FAM135A: variants seen among roughly 807,000 people sequenced by gnomAD.
The protein encoded by FAM135A is protein FAM135A.
In FAM135A, 79 loss-of-function variants were observed where a neutral mutation model predicts 146.8. That is an observed-to-expected ratio of 0.54 (90% CI 0.45 to 0.65). FAM135A has a LOEUF of 0.65. Ranked by LOEUF, FAM135A falls within the 30% of genes least tolerant of loss-of-function variation. FAM135A has a pLI of 0.00. For synonymous variants in FAM135A, 562 were observed against 603.6 expected, an observed-to-expected ratio of 0.93 and a Z score of 1.01; for missense variants, 1,623 against 1,758.2, an observed-to-expected ratio of 0.92 and a Z score of 1.38.
At chr6:70,443,477 G>T (rs1562428449) in intron 4 of FAM135A, among the ~76,000 whole-genome samples, 2 of 152,242 alleles carry the variant, frequency 1.3e-5, no homozygotes, top group African/African-American at 2.4e-5. Flanking sequence ...TACGTGTGTA[G>T]TATAACCAGC....
chr6:70,421,835 G>A (rs926790156), intron 2 of FAM135A, among the ~76,000 whole-genome samples: 1 of 152,180 alleles, frequency 6.6e-6, no homozygotes, highest in Admixed American at 6.5e-5. Flanking sequence ...AAAGGCATAG[G>A]TTTAAAGTAA....
At chr6:70,552,084 A>G (rs1277231226) in intron 20 of FAM135A, among the ~76,000 whole-genome samples, 1 of 152,228 alleles carries the variant, frequency 6.6e-6, no homozygotes, top group African/African-American at 2.4e-5. Context: ...GTATACCTGT[A>G]TAAAACTGAT....
chr6:70,445,898 T>A (rs1308463101), intron 4 of FAM135A, among the ~76,000 whole-genome samples: 1 of 152,172 alleles, frequency 6.6e-6, no homozygotes, highest in Admixed American at 6.5e-5. Context: ...TGCAAAGCAA[T>A]AAAAGCAAAG....
chr6:70,459,856 C>A (rs753568441), intron 5 of FAM135A, among the ~76,000 whole-genome samples: 4 of 152,108 alleles, frequency 2.6e-5, no homozygotes, highest in African/African-American at 9.7e-5. Context: ...CGTGAAACCC[C>A]GTCTCTACGA....
At chr6:70,540,388 G>A (rs574509009) in intron 20 of FAM135A, among the ~76,000 whole-genome samples, 79 of 136,298 alleles carry the variant, frequency 5.8e-4, no homozygotes, top group African/African-American at 2.0e-3. Flanking sequence ...GCAGTGGCAC[G>A]ATCTCGGCTC....
chr6:70,469,472 C>A (rs1451905272), intron 5 of FAM135A, among the ~76,000 whole-genome samples: 1 of 152,200 alleles, frequency 6.6e-6, no homozygotes, highest in Non-Finnish European at 1.5e-5. Flanking sequence ...TCTTATCTGG[C>A]ATGAGAATTC....
intron 5 of FAM135A, among the ~76,000 whole-genome samples, chr6:70,469,396 A>T (rs1781120674): frequency 6.6e-6 from 1 of 152,214 alleles, no homozygotes; most frequent in African/African-American, 2.4e-5. Context: ...ATGTCAGTTG[A>T]GGATATAGGC....
chr6:70,537,855 G>A (rs1014765171), intron 19 of FAM135A, among the ~76,000 whole-genome samples: 1 of 152,164 alleles, frequency 6.6e-6, no homozygotes, highest in African/African-American at 2.4e-5. Context: ...ATTCTAAGAT[G>A]TGGTCTGTTT....
intron 20 of FAM135A, among the ~76,000 whole-genome samples, chr6:70,540,528 T>A (rs898013631): frequency 2.0e-5 from 3 of 152,042 alleles, no homozygotes; most frequent in African/African-American, 7.2e-5. Context: ...GGTTTCACCA[T>A]GTTAGCCAGG....
At chr6:70,476,774 T>C (rs1237056225) in intron 7 of FAM135A, among the ~76,000 whole-genome samples, 1 of 152,148 alleles carries the variant, frequency 6.6e-6, no homozygotes, top group Non-Finnish European at 1.5e-5. Context: ...AAAAGTAATT[T>C]GAAATATCCT....
chr6:70,428,325 T>C lies in FAM135A; in HGVS notation c.-18T>C. ...AAAGGTGCTGTTATCAGAATAGTCTTCTGGGTATAAATTAAAAATGACTGA... is the reference window on the plus strand; with the variant it reads ...AAAGGTGCTGTTATCAGAATAGTCTCCTGGGTATAAATTAAAAATGACTGA... On this transcript the variant is annotated 5_prime_UTR_variant, in exon 4 of 22. Coordinates refer to ENST00000418814, the MANE Select transcript of FAM135A (RefSeq NM_001162529.3). 1 of 1,581,906 alleles carries C rather than the reference T, an allele frequency of 6.3e-7. No individual in the cohort carries two copies.
intron 3 of FAM135A, among the ~76,000 whole-genome samples, chr6:70,426,947 A>G (rs1031477566): frequency 6.6e-6 from 1 of 152,192 alleles, no homozygotes; most frequent in Non-Finnish European, 1.5e-5. Context: ...AAGATTGTTC[A>G]TTATACAAAC....
At position 70,547,733 on chromosome 6, in the gene FAM135A, A is replaced by G. The variant is rs150374221; in HGVS notation, c.4229-9017A>G. On this transcript the variant is annotated intron_variant, in intron 20 of 21. Coordinates refer to ENST00000418814, the MANE Select transcript of FAM135A (RefSeq NM_001162529.3). ...AGAAGAATTGGAAAGACTTTAGACTATGAAGATGAAAGTTTCAATTAAGGT... is the reference window on the plus strand; with the variant it reads ...AGAAGAATTGGAAAGACTTTAGACTGTGAAGATGAAAGTTTCAATTAAGGT... Among the ~76,000 whole-genome samples the G allele has an allele frequency of 5.6e-3, 856 of 152,344 alleles. 2 individuals are homozygous for G. Among genetic ancestry groups the G allele is most frequent in the Non-Finnish European group, 8.2e-3 (556 of 68,020 alleles).
Position 70,475,320 on chromosome 6 carries a change from TC to T in FAM135A, c.158-89del, listed in dbSNP as rs2128155378. Reference sequence around the variant, plus strand: ...TGATAATGACACTATAGTAATATAATCAAACATACAGTATTTTAAAGTACAA... The same window carrying T: ...TGATAATGACACTATAGTAATATAATAAACATACAGTATTTTAAAGTACAA... On this transcript the variant is annotated intron_variant, in intron 5 of 21. Transcript: ENST00000418814. The T allele has an allele frequency of 6.5e-6, 7 of 1,070,886 alleles. No individual in the cohort carries two copies. In the South Asian group the frequency reaches 1.1e-4, roughly 17 times the overall value. 66.3% of individuals were successfully genotyped at this position (1,070,886 alleles called of 1,614,324 possible).
chr6:70,418,975 A>G (rs1185142258), intron 2 of FAM135A, among the ~76,000 whole-genome samples: 3 of 152,228 alleles, frequency 2.0e-5, no homozygotes, highest in African/African-American at 7.2e-5. Context: ...GTTCTGTGCT[A>G]TAGGTGACTG....
At chr6:70,442,393 A>G (rs1046961023) in intron 4 of FAM135A, among the ~76,000 whole-genome samples, 3 of 151,920 alleles carry the variant, frequency 2.0e-5, no homozygotes, top group African/African-American at 7.3e-5. Context: ...AGGGATTGAC[A>G]TTTTCTTTGT....
At chr6:70,471,669 C>A (rs566279950) in intron 5 of FAM135A, among the ~76,000 whole-genome samples, 1 of 152,094 alleles carries the variant, frequency 6.6e-6, no homozygotes, top group East Asian at 1.9e-4. Context: ...CCACCATGCA[C>A]ACATTTGCCA....
chr6:70,528,749 A>T (rs553197428), intron 16 of FAM135A, among the ~76,000 whole-genome samples: 1 of 151,826 alleles, frequency 6.6e-6, no homozygotes, highest in African/African-American at 2.4e-5. Flanking sequence ...TACGCAGAAC[A>T]TGTAGGTTTG....
intron 4 of FAM135A, among the ~76,000 whole-genome samples, chr6:70,434,695 T>C (rs1418271205): frequency 2.6e-5 from 4 of 152,206 alleles, no homozygotes; most frequent in African/African-American, 9.7e-5. Context: ...GGCAAATATT[T>C]AGAAGACATT....
Sources: gnomAD v4.1 joint callset for allele counts (sites outside exome capture counted in the v4.1 genomes callset) on GRCh38, gnomAD v4.1.1 for gene constraint, MANE v1.5 for transcripts, NCBI Gene and HGNC (gene_info 2026-07-23, HGNC 2026-07-21) for gene names.